The following TCEANC2 variants were observed in gnomAD, a reference collection of about 807,000 sequenced individuals.
TCEANC2 encodes transcription elongation factor A N-terminal and central domain-containing protein 2.
A neutral mutation model predicts 22.8 loss-of-function variants in TCEANC2; 20 were observed. That is an observed-to-expected ratio of 0.88 (90% CI 0.62 to 1.28). The LOEUF (loss-of-function observed/expected upper bound fraction) is 1.28, where lower values mean the gene tolerates loss of function less well. Ranked by LOEUF, TCEANC2 falls within the 50% of genes most tolerant of loss-of-function variation. The pLI is 0.00. For missense variants in TCEANC2, 251 were observed against 249.7 expected (o/e 1.01, Z -0.03); for synonymous variants, 84 against 95.5 (o/e 0.88, Z 0.70).
chr1:54,076,333 A>G (rs1303902790), intron 3 of TCEANC2, among the ~76,000 whole-genome samples: 3 of 152,042 alleles, frequency 2.0e-5, no homozygotes, highest in Non-Finnish European at 2.9e-5. Context: ...TTTAGCTCCC[A>G]CTTATAAGTG....
At chr1:54,094,303 C>T (rs1184272611) in intron 4 of TCEANC2, among the ~76,000 whole-genome samples, 8 of 152,160 alleles carry the variant, frequency 5.3e-5, no homozygotes, top group Admixed American at 5.2e-4. Flanking sequence ...CCATCTGTCT[C>T]TCATGTTAGG....
At chr1:54,073,608 G>C (rs1470834174) in intron 3 of TCEANC2, among the ~76,000 whole-genome samples, 1 of 152,106 alleles carries the variant, frequency 6.6e-6, no homozygotes, top group African/African-American at 2.4e-5. Flanking sequence ...GCTTTAGTCC[G>C]CCATAAAGCT....
chr1:54,059,802 C>T (rs1401451617), intron 2 of TCEANC2, among the ~76,000 whole-genome samples: 3 of 152,178 alleles, frequency 2.0e-5, no homozygotes, highest in Non-Finnish European at 4.4e-5. Context: ...CAGTAATCAT[C>T]TGTATTCTGG....
chr1:54,084,001 T>C (rs917016336), intron 3 of TCEANC2, among the ~76,000 whole-genome samples: 5 of 149,724 alleles, frequency 3.3e-5, no homozygotes, highest in African/African-American at 7.4e-5. Context: ...AGAGCTATTT[T>C]AGTTTAGTGT....
rs963433336 is a variant in TCEANC2 at position 54,060,178 on chromosome 1, C to T, written c.102+5654C>T. On this transcript the variant is annotated intron_variant, in intron 2 of 4. Coordinates refer to ENST00000234827, the MANE Select transcript of TCEANC2 (RefSeq NM_153035.3). Reference sequence around the variant, plus strand: ...ATCCCAGCACTTTGGGAGGCTGAGGCGGGTGGATCATGAGGTCAGGAGTTT... The same window carrying T: ...ATCCCAGCACTTTGGGAGGCTGAGGTGGGTGGATCATGAGGTCAGGAGTTT... Among the ~76,000 whole-genome samples the T allele has an allele frequency of 3.9e-5, 6 of 151,998 alleles. No homozygotes were observed. In the East Asian group the frequency reaches 1.2e-3, roughly 30 times the overall value.
intron 3 of TCEANC2, among the ~76,000 whole-genome samples, chr1:54,069,139 C>A (rs1389314171): frequency 6.6e-6 from 1 of 152,114 alleles, no homozygotes; most frequent in African/African-American, 2.4e-5. Flanking sequence ...AAATTAGATT[C>A]AACAGATATA....
chr1:54,099,733 G>C lies in TCEANC2; in HGVS notation c.*3260G>C, dbSNP rs994573806. On this transcript the variant is annotated 3_prime_UTR_variant, in exon 5 of 5. Transcript: ENST00000234827. ...CACTCCAGCCTGGGCAACAGAGTGA[G>C]ACTCTGTCTCAAAAAAAAAAAAAAA... 7.4e-6 allele frequency: 1 copy of C among 134,482 alleles called. No homozygotes were observed. The highest frequency in any genetic ancestry group is 1.5e-5 in the Non-Finnish European group (1 of 65,498). 8.3% of individuals were successfully genotyped at this position (134,482 alleles called of 1,614,324 possible).
rs1658619361 is a variant in TCEANC2 at position 54,099,563 on chromosome 1, G to A, written c.*3090G>A. 6.6e-6 allele frequency: 1 copy of A among 152,038 alleles called. No individual in the cohort carries two copies. The highest frequency in any genetic ancestry group is 1.5e-5 in the Non-Finnish European group (1 of 68,040). 9.4% of individuals were successfully genotyped at this position (152,038 alleles called of 1,614,324 possible). On this transcript the variant is annotated 3_prime_UTR_variant, in exon 5 of 5. Coordinates refer to ENST00000234827, the MANE Select transcript of TCEANC2 (RefSeq NM_153035.3). ...GTTTGAAACCAGCCTGGCCAACATG[G>A]CGAAACCCTGTCTGTACTAAAAATA...
Position 54,054,051 on chromosome 1 carries a change from C to A in TCEANC2, c.-43+293C>A, listed in dbSNP as rs192852019. 7.5e-5 allele frequency: 23 copies of A among 308,492 alleles called. No individual in the cohort carries two copies. In the East Asian group the frequency reaches 9.0e-4, roughly 12 times the overall value. The allele number at this position is 308,492 out of a possible 1,614,324, so 19.1% of individuals were successfully genotyped here. ...GCCTAATGTAATCCTAACCCTTTCA[C>A]AGCCCAATCTTATTTGGAAGAGGGC... On this transcript the variant is annotated intron_variant, in intron 1 of 4. Transcript: ENST00000234827.
At position 54,053,624 on chromosome 1, in the gene TCEANC2, G is replaced by C. The variant is rs1177565672; in HGVS notation, c.-177G>C. On this transcript the variant is annotated 5_prime_UTR_variant, in exon 1 of 5. Transcript: ENST00000234827. Reference sequence around the variant, plus strand: ...CTGTGGCCCAGAGGCGCGAGGGCCGGCGGAGTTTCTTCAGAGGAACTACCG... The same window carrying C: ...CTGTGGCCCAGAGGCGCGAGGGCCGCCGGAGTTTCTTCAGAGGAACTACCG... 6.1e-6 allele frequency: 1 copy of C among 165,270 alleles called. No homozygotes were observed. Among genetic ancestry groups the C allele is most frequent in the East Asian group, 1.8e-4 (1 of 5,596 alleles). The allele number at this position is 165,270 out of a possible 1,614,324, so 10.2% of individuals were successfully genotyped here. A position where few individuals can be genotyped will look rare whatever the true frequency, so the allele number is the denominator to read the frequency against.
intron 3 of TCEANC2, among the ~76,000 whole-genome samples, chr1:54,084,643 C>T (rs1414363781): frequency 6.6e-6 from 1 of 152,024 alleles, no homozygotes; most frequent in East Asian, 1.9e-4. Flanking sequence ...GGGTGGACCA[C>T]CTGAGGTCAG....
chr1:54,074,591 G>A (rs1040110660), intron 3 of TCEANC2, among the ~76,000 whole-genome samples: 5 of 152,100 alleles, frequency 3.3e-5, no homozygotes, highest in African/African-American at 1.2e-4. Flanking sequence ...GAGAAGGTAC[G>A]ACCAGAGAAG....
At chr1:54,094,126 A>G (rs1658499775) in intron 4 of TCEANC2, among the ~76,000 whole-genome samples, 1 of 152,212 alleles carries the variant, frequency 6.6e-6, no homozygotes, top group South Asian at 2.1e-4. Context: ...GTCTGTCATT[A>G]GGACCACAAA....
chr1:54,072,026 G>T (rs1169247120), intron 3 of TCEANC2, among the ~76,000 whole-genome samples: 1 of 151,990 alleles, frequency 6.6e-6, no homozygotes, highest in Non-Finnish European at 1.5e-5. Context: ...TGCCCAGGGT[G>T]GTCTCAAACT....
chr1:54,092,288 G>A (rs989139850), intron 4 of TCEANC2, among the ~76,000 whole-genome samples: 3 of 152,090 alleles, frequency 2.0e-5, no homozygotes, highest in Admixed American at 6.6e-5. Context: ...ACCTATAAAC[G>A]ATTAATTAAA....
rs1013153147 is a variant in TCEANC2, at chr1:54,105,611, C to G, written c.*9138C>G. The G allele has an allele frequency of 6.6e-6, 1 of 150,896 alleles. No homozygotes were observed. Among genetic ancestry groups the G allele is most frequent in the Admixed American group, 6.6e-5 (1 of 15,084 alleles). The allele number at this position is 150,896 out of a possible 1,614,324, so 9.3% of individuals were successfully genotyped here. ...GCTCTTCCAGTTTTTGTTAACAATT[C>G]TAGAACAGGGGTCAGCAAACTTTTT... On this transcript the variant is annotated 3_prime_UTR_variant, in exon 5 of 5. Transcript: ENST00000234827.
At chr1:54,057,078 T>C (rs777105168) in intron 2 of TCEANC2, among the ~76,000 whole-genome samples, 5 of 151,654 alleles carry the variant, frequency 3.3e-5, no homozygotes, top group Non-Finnish European at 5.9e-5. Context: ...GCATATTTAA[T>C]AACATTCCCC....
chr1:54,054,486 G>A lies in TCEANC2; in HGVS notation c.64G>A (p.Gly22Arg). The change falls in exon 2 of 5, where the codon GGA becomes AGA. Residue 22 changes from glycine to arginine, a missense_variant. Gly to Arg is a moderately radical substitution (Grantham distance 125, BLOSUM62 -2). Coordinates refer to ENST00000234827, the MANE Select transcript of TCEANC2 (RefSeq NM_153035.3). ...QNSPQKKDSG[G>R]KVYKQATIES... ...TAGCCCTCAGAAGAAAGATTCTGGA[G>A]GAAAGGTTTACAAGCAGGCCACGAT... 2 of 1,613,914 alleles carry A rather than the reference G, an allele frequency of 1.2e-6. No homozygotes were observed. The highest frequency in any genetic ancestry group is 1.1e-5 in the South Asian group (1 of 91,040).
intron 4 of TCEANC2, among the ~76,000 whole-genome samples, chr1:54,091,996 C>T (rs1658455387): frequency 6.6e-6 from 1 of 152,204 alleles, no homozygotes; most frequent in African/African-American, 2.4e-5. Flanking sequence ...AGGGGTACGT[C>T]CCCATATGGG....
Sources: gnomAD v4.1 joint callset for allele counts (sites outside exome capture counted in the v4.1 genomes callset) on GRCh38, gnomAD v4.1.1 for gene constraint, MANE v1.5 for transcripts, NCBI Gene and HGNC (gene_info 2026-07-23, HGNC 2026-07-21) for gene names.